ADAMTS15: variants seen among roughly 807,000 people sequenced by gnomAD.
The protein encoded by ADAMTS15 is A disintegrin and metalloproteinase with thrombospondin motifs 15.
Under a neutral mutation model 79.1 loss-of-function variants are expected in ADAMTS15, and 35 were observed. The ratio of observed to expected loss-of-function variants is 0.44; its 90% confidence interval spans 0.34 to 0.59. The LOEUF is 0.59. Among genes scored for constraint, ADAMTS15 ranks in the 20% least tolerant of loss-of-function variants. ADAMTS15 has a pLI of 0.02. For synonymous variants in ADAMTS15, 616 were observed against 567.3 expected, an observed-to-expected ratio of 1.09 and a Z score of -1.22; for missense variants, 1,324 against 1,318.7, an observed-to-expected ratio of 1.00 and a Z score of -0.06.
intron 5 of ADAMTS15, among the ~76,000 whole-genome samples, chr11:130,470,067 T>C (rs1938389443): frequency 6.8e-6 from 1 of 146,024 alleles, no homozygotes; most frequent in Admixed American, 6.9e-5. Context: ...AAATGCTGTT[T>C]AAGCTCATCC....
In ADAMTS15 at chr11:130,471,213, G is replaced by A. The variant is rs745853639; in HGVS notation, c.1908G>A (p.Val636=). 3.1e-6 allele frequency: 5 copies of A among 1,596,712 alleles called. No homozygotes were observed. Among genetic ancestry groups the A allele is most frequent in the Middle Eastern group, 1.7e-4 (1 of 5,966 alleles). The change falls in exon 7 of 8, where the codon GTG becomes GTA. Residue 636 remains valine, a synonymous_variant. Coordinates refer to ENST00000299164, the MANE Select transcript of ADAMTS15 (RefSeq NM_139055.4). ...GYFYVLAPKV[V]DGTLCSPDST... ...CCCCTTCTGGGGTGCTGCAGGTGGT[G>A]GACGGCACGCTGTGCTCTCCTGACT...
At chr11:130,466,154 T>C (rs1592148509) in intron 4 of ADAMTS15, among the ~76,000 whole-genome samples, 1 of 152,334 alleles carries the variant, frequency 6.6e-6, no homozygotes, top group East Asian at 1.9e-4. Context: ...ATCACAGGCG[T>C]GAGCCACCGC....
In ADAMTS15 at chr11:130,461,553, C is replaced by T. The variant is rs939722725; in HGVS notation, c.1022C>T (p.Pro341Leu). The T allele has an allele frequency of 2.5e-6, 4 of 1,614,038 alleles. No homozygotes were observed. The African/African-American group carries it at 5.3e-5, about 22-fold the overall frequency. ...GMADVGTMCD[P>L]KRSCSVIEDD... is the part of the protein sequence containing the mutation. ...GCTGATGTGGGTACCATGTGTGACC[C>T]CAAGAGAAGCTGCTCTGTCATTGAG... Residue 341 changes from proline to leucine, a missense_variant, in exon 2 of 8, where the codon CCC becomes CTC. By Grantham distance (98) the Pro-to-Leu change is moderately conservative. Coordinates refer to ENST00000299164, the MANE Select transcript of ADAMTS15 (RefSeq NM_139055.4).
chr11:130,468,597 C>G (rs1049796441), intron 4 of ADAMTS15, among the ~76,000 whole-genome samples: 2 of 151,672 alleles, frequency 1.3e-5, no homozygotes, highest in Non-Finnish European at 2.9e-5. Flanking sequence ...AACCCCATCT[C>G]TACTAAAAAT....
intron 5 of ADAMTS15, among the ~76,000 whole-genome samples, chr11:130,470,158 A>ACACACATG (rs1203509179): frequency 2.0e-5 from 1 of 50,038 alleles, no homozygotes; most frequent in Admixed American, 1.9e-4. Flanking sequence ...ATATGTGTAT[A>ACACACATG]TATATATATA....
At chr11:130,463,174 C>T (rs977877218) in intron 4 of ADAMTS15, among the ~76,000 whole-genome samples, 1 of 152,226 alleles carries the variant, frequency 6.6e-6, no homozygotes. Flanking sequence ...CCACTCTTTC[C>T]CAGTGTGTTC....
rs189029139 is a variant in ADAMTS15, at chr11:130,462,686, G to A, written c.1448G>A (p.Arg483His). ...KAKGQMVCQT[R>H]HFPWADGTSC... The stretch of plus-strand genomic sequence containing the variant: ...AAGGGACAGATGGTGTGCCAGACCC[G>A]CCACTTCCCCTGGGCCGATGGCACC... Residue 483 changes from arginine (R) to histidine (H), a missense_variant, in exon 4 of 8, where the codon CGC becomes CAC. Arg to His is a conservative substitution (Grantham distance 29). Coordinates refer to ENST00000299164, the MANE Select transcript of ADAMTS15 (RefSeq NM_139055.4). This position sits in a 1 kb window ranked among gnomAD's most constrained non-coding sequence, Gnocchi z 4.3. 1.8e-4 allele frequency: 287 copies of A among 1,613,418 alleles called. 4 individuals carry two copies. The highest frequency in any genetic ancestry group is 1.7e-3 in the South Asian group (156 of 91,058).
At chr11:130,461,702 C>T (rs1938202979) in intron 2 of ADAMTS15, 81 bp downstream of exon 2, 4 of 1,576,952 alleles carry the variant, frequency 2.5e-6, no homozygotes, top group Non-Finnish European at 3.4e-6. Flanking sequence ...GTCTTTGCCC[C>T]CTTGTGTTCT....
At chr11:130,456,359 G>A (rs947707406) in intron 1 of ADAMTS15, among the ~76,000 whole-genome samples, 1 of 151,946 alleles carries the variant, frequency 6.6e-6, no homozygotes, top group Non-Finnish European at 1.5e-5. Flanking sequence ...TATTGTTTTG[G>A]TGACCTCACT....
At position 130,472,291 on chromosome 11, in the gene ADAMTS15, C is replaced by T. The variant is rs952275154; in HGVS notation, c.2079-756C>T. 6.6e-6 allele frequency among the ~76,000 whole-genome samples: 1 copy of T among 152,118 alleles called. No homozygotes were observed. Among genetic ancestry groups the T allele is most frequent in the East Asian group, 1.9e-4 (1 of 5,178 alleles). ...TCTCCTGAGCCCCTGGGTGGTGATG[C>T]GAAGGGAGGATGCCCAGCCCTGTCT... On this transcript the variant is annotated intron_variant, in intron 7 of 7. Transcript: ENST00000299164. This position sits in a 1 kb window ranked among gnomAD's most constrained non-coding sequence, Gnocchi z 4.7.
At chr11:130,469,901 A>C (rs1483349120) in intron 5 of ADAMTS15, among the ~76,000 whole-genome samples, 1 of 151,426 alleles carries the variant, frequency 6.6e-6, no homozygotes, top group East Asian at 1.9e-4. Flanking sequence ...TTTCAGGGAG[A>C]AATTAGTATT....
At position 130,461,517 on chromosome 11, in the gene ADAMTS15, C is replaced by T; in HGVS notation, c.986C>T (p.Thr329Ile). The change falls in exon 2 of 8, where the codon ACC (threonine) becomes ATC (isoleucine). Residue 329 changes from threonine (T) to isoleucine (I), a missense_variant. By Grantham distance (89) the Thr-to-Ile change is moderately conservative. Transcript: ENST00000299164. ...CTGTGTGGAGCCACCACCTGTGACA[C>T]CCTGGGCATGGCTGATGTGGGTACC... ...QDLCGATTCD[T>I]LGMADVGTMC... 6.2e-7 allele frequency: 1 copy of T among 1,614,194 alleles called. No individual in the cohort carries two copies. The highest frequency in any genetic ancestry group is 8.5e-7 in the Non-Finnish European group (1 of 1,180,040).
At chr11:130,451,653 C>G (rs1057251646) in intron 1 of ADAMTS15, among the ~76,000 whole-genome samples, 1 of 152,104 alleles carries the variant, frequency 6.6e-6, no homozygotes, top group Non-Finnish European at 1.5e-5. Flanking sequence ...CCTGGGCTGC[C>G]CCAGTGCAGG....
rs761409443 is a variant in ADAMTS15, at chr11:130,462,637, A to T, written c.1399A>T (p.Lys467Ter). 5 of 1,613,846 alleles carry T rather than the reference A, an allele frequency of 3.1e-6. No individual in the cohort carries two copies. The highest frequency in any genetic ancestry group is 4.2e-6 in the Non-Finnish European group (5 of 1,179,806). ...CTGTCCTTACATGCAGTACTGCACC[A>T]AGCTGTGGTGCACCGGGAAGGCCAA... ...KPCPYMQYCTKLWCTGKAKGQ... is the reference protein window; with the variant it reads ...KPCPYMQYCT Residue 467 changes from lysine to a stop codon, truncating the protein, a stop_gained, in exon 4 of 8, where the codon AAG becomes TAG. Transcript: ENST00000299164. LOFTEE classifies it high-confidence loss of function. The surrounding 1 kb of genome is among the most constrained non-coding windows in gnomAD (Gnocchi z 4.3).
At chr11:130,470,624 A>G (rs1938430249) in intron 5 of ADAMTS15, among the ~76,000 whole-genome samples, 1 of 152,192 alleles carries the variant, frequency 6.6e-6, no homozygotes, top group South Asian at 2.1e-4. Context: ...GTTAATCTAT[A>G]TAATTTACTT....
At chr11:130,468,223 G>T (rs1451438651) in intron 4 of ADAMTS15, among the ~76,000 whole-genome samples, 1 of 152,206 alleles carries the variant, frequency 6.6e-6, no homozygotes, top group African/African-American at 2.4e-5. Context: ...CTGACATCAG[G>T]CCCGAGTATT....
intron 1 of ADAMTS15, among the ~76,000 whole-genome samples, chr11:130,459,905 A>G (rs76591972): frequency 0.023 from 3,524 of 152,310 alleles, 63 homozygotes; most frequent in South Asian, 0.061. Context: ...CCTTGCCAGC[A>G]TGTACACAGA....
Position 130,449,677 on chromosome 11 carries a change from G to T in ADAMTS15, c.704G>T (p.Gly235Val). 6.2e-7 allele frequency: 1 copy of T among 1,602,714 alleles called. No individual in the cohort carries two copies. The highest frequency in any genetic ancestry group is 8.5e-7 in the Non-Finnish European group (1 of 1,174,826). Residue 235 changes from glycine to valine, a missense_variant, in exon 1 of 8, where the codon GGC (glycine) becomes GTC (valine). Transcript: ENST00000299164. This position sits in a 1 kb window ranked among gnomAD's most constrained non-coding sequence, Gnocchi z 7.8. ...VADESMVKFH[G>V]ADLEHYLLTL... ...GACGAGTCAATGGTCAAGTTCCACGGCGCGGACCTGGAACATTATCTGCTG... is the reference window on the plus strand; with the variant it reads ...GACGAGTCAATGGTCAAGTTCCACGTCGCGGACCTGGAACATTATCTGCTG...
Position 130,448,888 on chromosome 11 carries a change from AGTGC to A in ADAMTS15, c.-84_-81del. The A allele has an allele frequency of 5.7e-6, 6 of 1,057,968 alleles. No individual in the cohort carries two copies. The highest frequency in any genetic ancestry group is 7.6e-6 in the Non-Finnish European group (6 of 788,490). 65.5% of individuals were successfully genotyped at this position (1,057,968 alleles called of 1,614,324 possible). A position where few individuals can be genotyped will look rare whatever the true frequency, so the allele number is the denominator to read the frequency against. On this transcript the variant is annotated 5_prime_UTR_variant, in exon 1 of 8. Transcript: ENST00000299164. ...TGTCCCGTAGCGTTGGCGGTTCCAG[AGTGC>A]GGGCTGCACGGAGACCGCGGCAGCG...
Sources: allele counts gnomAD v4.1 joint callset (sites outside exome capture counted in the v4.1 genomes callset), GRCh38; gene constraint gnomAD v4.1.1; non-coding constraint Gnocchi (gnomAD v3.1); transcripts MANE v1.5; gene names NCBI Gene and HGNC (gene_info 2026-07-23, HGNC 2026-07-21).